The following NEK7 variants were observed in gnomAD, a reference collection of about 807,000 sequenced individuals.
The protein encoded by NEK7 is NIMA related kinase 7.
A neutral mutation model predicts 44.6 loss-of-function variants in NEK7; 18 were observed. The ratio of observed to expected loss-of-function variants is 0.40; its 90% confidence interval spans 0.28 to 0.60. The LOEUF (loss-of-function observed/expected upper bound fraction) is 0.60, where lower values mean the gene tolerates loss of function less well. Among genes scored for constraint, NEK7 ranks in the 20% least tolerant of loss-of-function variants. NEK7 has a pLI of 0.38. For synonymous variants in NEK7, 130 were observed against 121.1 expected, an observed-to-expected ratio of 1.07 and a Z score of -0.48; for missense variants, 256 against 366.5, an observed-to-expected ratio of 0.70 and a Z score of 2.46.
intron 8 of NEK7, among the ~76,000 whole-genome samples, chr1:198,293,367 G>C (rs1315396790): frequency 6.6e-6 from 1 of 151,808 alleles, no homozygotes; most frequent in African/African-American, 2.4e-5. Flanking sequence ...TGCATTACAG[G>C]AGTGGCATAA....
At chr1:198,227,523 A>T (rs1322336831) in intron 1 of NEK7, among the ~76,000 whole-genome samples, 1 of 152,180 alleles carries the variant, frequency 6.6e-6, no homozygotes, top group Non-Finnish European at 1.5e-5. Context: ...CATCCTCTCC[A>T]GCACCTGTTG....
At chr1:198,260,815 T>G (rs1653437089) in intron 3 of NEK7, among the ~76,000 whole-genome samples, 1 of 152,108 alleles carries the variant, frequency 6.6e-6, no homozygotes, top group South Asian at 2.1e-4. Flanking sequence ...TATATCATTT[T>G]ATATACTGCT....
chr1:198,208,007 T>A (rs1216094094), intron 1 of NEK7, among the ~76,000 whole-genome samples: 5 of 152,228 alleles, frequency 3.3e-5, no homozygotes, highest in African/African-American at 4.8e-5. Flanking sequence ...TGTATTTCAA[T>A]TTTAGATACA....
chr1:198,181,869 C>A (rs1664777524), intron 1 of NEK7, among the ~76,000 whole-genome samples: 1 of 151,818 alleles, frequency 6.6e-6, no homozygotes, highest in African/African-American at 2.4e-5. Context: ...TTAAAAATGA[C>A]ATGTGAGGGT....
Position 198,297,856 on chromosome 1 carries a change from T to C in NEK7, c.798+616T>C, listed in dbSNP as rs574441960. On this transcript the variant is annotated intron_variant, in intron 9 of 9. Transcript: ENST00000367385. ...ACATGTTTAAAAAGTGTGTTAGTTGTGGCTGAAAATCTTAGAAGGCTACCT... is the reference window on the plus strand; with the variant it reads ...ACATGTTTAAAAAGTGTGTTAGTTGCGGCTGAAAATCTTAGAAGGCTACCT... Among the ~76,000 whole-genome samples, 335 of 152,328 alleles carry C rather than the reference T, an allele frequency of 2.2e-3. 1 individual carries two copies. The highest frequency in any genetic ancestry group is 7.6e-3 in the African/African-American group (317 of 41,570).
intron 1 of NEK7, among the ~76,000 whole-genome samples, chr1:198,217,496 A>G (rs1175023955): frequency 6.6e-6 from 1 of 152,126 alleles, no homozygotes; most frequent in Admixed American, 6.5e-5. Context: ...AATGGGACAG[A>G]GTTAAAAGCA....
intron 1 of NEK7, among the ~76,000 whole-genome samples, chr1:198,208,165 ATTTT>A (rs1665652786): frequency 6.6e-6 from 1 of 151,912 alleles, no homozygotes. Flanking sequence ...TCTCTTTGCT[ATTTT>A]GTGTTCATGT....
chr1:198,245,782 G>A (rs1349887401), intron 2 of NEK7, among the ~76,000 whole-genome samples: 3 of 151,884 alleles, frequency 2.0e-5, no homozygotes, highest in East Asian at 1.9e-4. Flanking sequence ...AAGCCATTTT[G>A]TGCAGCTTAG....
intron 1 of NEK7, among the ~76,000 whole-genome samples, chr1:198,199,733 TATAA>T (rs1665361509): frequency 6.6e-6 from 1 of 152,222 alleles, no homozygotes; most frequent in South Asian, 2.1e-4. Flanking sequence ...CTTTGTCTAA[TATAA>T]ATAAAGTTAC....
intron 1 of NEK7, among the ~76,000 whole-genome samples, chr1:198,199,531 A>G (rs1170592618): frequency 6.7e-6 from 1 of 149,814 alleles, no homozygotes; most frequent in Non-Finnish European, 1.5e-5. Flanking sequence ...TCTATACTAT[A>G]CTTTTTTTTT....
At chr1:198,168,630 C>T (rs977622959) in intron 1 of NEK7, among the ~76,000 whole-genome samples, 2 of 152,176 alleles carry the variant, frequency 1.3e-5, no homozygotes, top group African/African-American at 4.8e-5. Flanking sequence ...ATCTTTGGAG[C>T]CTTCTGGCAG....
chr1:198,229,026 C>T (rs1666310454), intron 1 of NEK7, among the ~76,000 whole-genome samples: 1 of 152,078 alleles, frequency 6.6e-6, no homozygotes, highest in South Asian at 2.1e-4. Context: ...GGCGTTCTGC[C>T]CCATACTCTG....
At chr1:198,245,563 G>T (rs1160999516) in intron 2 of NEK7, among the ~76,000 whole-genome samples, 1 of 152,226 alleles carries the variant, frequency 6.6e-6, no homozygotes, top group Non-Finnish European at 1.5e-5. Flanking sequence ...CAAGTGCAAT[G>T]CCATGGGCAT....
intron 2 of NEK7, among the ~76,000 whole-genome samples, chr1:198,235,666 GATGGCT>G (rs2102881053): frequency 6.6e-6 from 1 of 152,260 alleles, no homozygotes; most frequent in Non-Finnish European, 1.5e-5. Flanking sequence ...ATTGGGTGAA[GATGGCT>G]ATGGTAGAGT....
chr1:198,312,622 G>T (rs1222747222), intron 9 of NEK7, among the ~76,000 whole-genome samples: 1 of 151,688 alleles, frequency 6.6e-6, no homozygotes, highest in African/African-American at 2.4e-5. Flanking sequence ...GAGTCCCAGA[G>T]ATTCTTGTAT....
intron 1 of NEK7, chr1:198,198,088 A>G: frequency 2.1e-6 from 3 of 1,413,414 alleles, no homozygotes; most frequent in South Asian, 1.4e-5. Context: ...GAAAGGGTGG[A>G]TTGATAGGTG....
At chr1:198,232,673 A>G (rs1666432637) in intron 2 of NEK7, 36 bp downstream of exon 2, 3 of 1,237,062 alleles carry the variant, frequency 2.4e-6, no homozygotes, top group Non-Finnish European at 3.6e-6. Flanking sequence ...AGAACTATAT[A>G]TAATCTGTGT....
intron 2 of NEK7, among the ~76,000 whole-genome samples, chr1:198,240,512 AAAG>A (rs1666655369): frequency 1.3e-5 from 2 of 152,078 alleles, no homozygotes; most frequent in African/African-American, 2.4e-5. Context: ...AAAAAAAAAA[AAAG>A]AAATATGCTT....
chr1:198,202,698 G>A (rs750243897), intron 1 of NEK7, among the ~76,000 whole-genome samples: 7 of 152,218 alleles, frequency 4.6e-5, no homozygotes, highest in Non-Finnish European at 1.0e-4. Context: ...AGAGCCAAGC[G>A]AAAAGGGAAA....
Sources: gnomAD v4.1 joint callset for allele counts (sites outside exome capture counted in the v4.1 genomes callset) on GRCh38, gnomAD v4.1.1 for gene constraint, MANE v1.5 for transcripts, NCBI Gene and HGNC (gene_info 2026-07-23, HGNC 2026-07-21) for gene names.